The following PEX13 variants were observed in gnomAD, a reference collection of about 807,000 sequenced individuals.
PEX13 encodes peroxisomal biogenesis factor 13.
PEX13 carries 28 observed loss-of-function variants against 34.5 expected under a neutral mutation model. The ratio of observed to expected loss-of-function variants is 0.81; its 90% CI spans 0.60 to 1.11. The LOEUF (loss-of-function observed/expected upper bound fraction) is 1.11, where lower values mean the gene tolerates loss of function less well. PEX13 is among the 50% of genes most tolerant of loss of function. PEX13 has a pLI of 0.00. For synonymous variants in PEX13, 177 were observed against 175.1 expected, an observed-to-expected ratio of 1.01 and a Z score of -0.09; for missense variants, 550 against 491.0, an observed-to-expected ratio of 1.12 and a Z score of -1.13.
At chr2:61,045,596 T>C (rs1463000871) in intron 2 of PEX13, 130 bp from the exon 3 acceptor site, 4 of 704,162 alleles carry the variant, frequency 5.7e-6, no homozygotes, top group South Asian at 1.5e-5. Context: ...ATAGTATTCA[T>C]TATAGTTTTT....
intron 2 of PEX13, among the ~76,000 whole-genome samples, chr2:61,039,277 A>T (rs1455464670): frequency 6.6e-6 from 1 of 152,128 alleles, no homozygotes; most frequent in African/African-American, 2.4e-5. Context: ...AAAAGAGCCA[A>T]CATAACCAAG....
Position 61,048,793 on chromosome 2 carries a change from T to C in PEX13, c.*23T>C. The C allele has an allele frequency of 6.4e-7, 1 of 1,574,284 alleles. No homozygotes were observed. Among genetic ancestry groups the C allele is most frequent in the Non-Finnish European group, 8.7e-7 (1 of 1,143,608 alleles). ...TGATATCTTTCATGTTTGCCTGCAG[T>C]TGAACAATACTTTAGAGTACTTTTT... is the stretch of plus-strand genomic sequence containing the variant. On this transcript the variant is annotated 3_prime_UTR_variant, in exon 4 of 4. Transcript: ENST00000295030.
rs926756548 is a variant in PEX13, at chr2:61,018,401, A to G, written c.92+550A>G. ...GAGATTGGAGAAGCAACTTTAAAGC[A>G]GGAGTTCTAGATCTGAGGCCTATGG... On this transcript the variant is annotated intron_variant, in intron 1 of 3. Transcript: ENST00000295030. 4.4e-6 allele frequency: 6 copies of G among 1,350,106 alleles called. No homozygotes were observed. In the Admixed American group the frequency reaches 7.5e-5, roughly 17 times the overall value. 83.6% of individuals were successfully genotyped at this position (1,350,106 alleles called of 1,614,324 possible).
At chr2:61,041,894 G>T (rs754812842) in intron 2 of PEX13, among the ~76,000 whole-genome samples, 1 of 152,192 alleles carries the variant, frequency 6.6e-6, no homozygotes, top group Non-Finnish European at 1.5e-5. Context: ...AACCTGGCAG[G>T]TAAAAAGGAA....
chr2:61,018,161 G>T (rs1293352037), intron 1 of PEX13: 1 of 1,550,756 alleles, frequency 6.4e-7, no homozygotes. Flanking sequence ...CACTTTGACA[G>T]AATGGCTTCT....
At position 61,031,407 on chromosome 2, in the gene PEX13, T is replaced by C. The variant is rs760544518; in HGVS notation, c.93-12T>C. 4.4e-6 allele frequency: 7 copies of C among 1,603,036 alleles called. No homozygotes were observed. The highest frequency in any genetic ancestry group is 5.1e-6 in the Non-Finnish European group (6 of 1,170,302). On this transcript the variant is annotated splice_polypyrimidine_tract_variant and intron_variant, in intron 1 of 3. Coordinates refer to ENST00000295030, the MANE Select transcript of PEX13 (RefSeq NM_002618.4). The stretch of plus-strand genomic sequence containing the variant: ...TGCTTAAATAACTGTTTTGAATCTT[T>C]TTTGGTTTTAGATCTGCTGATTTGG...
chr2:61,025,885 A>G (rs1022352132), intron 1 of PEX13, among the ~76,000 whole-genome samples: 1 of 152,098 alleles, frequency 6.6e-6, no homozygotes, highest in Non-Finnish European at 1.5e-5. Context: ...CCTTTCTACT[A>G]GCATATTTCC....
intron 2 of PEX13, among the ~76,000 whole-genome samples, chr2:61,043,575 A>G (rs961758384): frequency 6.6e-6 from 1 of 152,220 alleles, no homozygotes; most frequent in Non-Finnish European, 1.5e-5. Context: ...GAAAAGGCCT[A>G]GTTGGACAAA....
At chr2:61,034,724 T>C (rs545052639) in intron 2 of PEX13, among the ~76,000 whole-genome samples, 2 of 152,300 alleles carry the variant, frequency 1.3e-5, no homozygotes, top group African/African-American at 4.8e-5. Context: ...CAGTCTGAGA[T>C]CAACCAGCAA....
chr2:61,026,763 A>G (rs1222246499), intron 1 of PEX13, among the ~76,000 whole-genome samples: 4 of 152,134 alleles, frequency 2.6e-5, no homozygotes, highest in Non-Finnish European at 2.9e-5. Flanking sequence ...AATTTTTAAC[A>G]TATCTAAAAT....
chr2:61,018,123 G>A (rs1680137501), intron 1 of PEX13: 17 of 1,547,750 alleles, frequency 1.1e-5, no homozygotes, highest in Non-Finnish European at 1.4e-5. Flanking sequence ...AGAAAGGGGG[G>A]CGGCTTCCTA....
intron 3 of PEX13, among the ~76,000 whole-genome samples, chr2:61,048,110 A>C (rs1680737621): frequency 6.6e-6 from 1 of 152,218 alleles, no homozygotes; most frequent in South Asian, 2.1e-4. Context: ...TAACTTACCC[A>C]GTTGAGAAGG....
Position 61,051,281 on chromosome 2 carries a change from C to T in PEX13, c.*2511C>T, listed in dbSNP as rs1680794741. 1 of 152,190 alleles carries T rather than the reference C, an allele frequency of 6.6e-6. No individual in the cohort carries two copies. The highest frequency in any genetic ancestry group is 1.5e-5 in the Non-Finnish European group (1 of 68,016). 9.4% of individuals were successfully genotyped at this position (152,190 alleles called of 1,614,324 possible). On this transcript the variant is annotated 3_prime_UTR_variant, in exon 4 of 4. Coordinates refer to ENST00000295030, the MANE Select transcript of PEX13 (RefSeq NM_002618.4). Reference sequence around the variant, plus strand: ...AGATAATTTATAGAAATTTTGTTCTCAAAACAAATGTTTGATAAAACAGAT... The same window carrying T: ...AGATAATTTATAGAAATTTTGTTCTTAAAACAAATGTTTGATAAAACAGAT...
intron 2 of PEX13, among the ~76,000 whole-genome samples, chr2:61,038,343 G>A (rs558479110): frequency 2.6e-5 from 4 of 152,290 alleles, no homozygotes; most frequent in African/African-American, 9.6e-5. Flanking sequence ...GAACATCAAT[G>A]TAAAAATCCT....
At chr2:61,033,540 G>A (rs548886537) in intron 2 of PEX13, among the ~76,000 whole-genome samples, 1 of 152,176 alleles carries the variant, frequency 6.6e-6, no homozygotes, top group African/African-American at 2.4e-5. Flanking sequence ...CTCTGCCTTT[G>A]TGGCAGTCTA....
In PEX13 at chr2:61,051,071, G is replaced by C. The variant is rs1019917235; in HGVS notation, c.*2301G>C. The C allele has an allele frequency of 6.6e-6, 1 of 152,278 alleles. No individual in the cohort carries two copies. The highest frequency in any genetic ancestry group is 1.5e-5 in the Non-Finnish European group (1 of 68,040). 9.4% of individuals were successfully genotyped at this position (152,278 alleles called of 1,614,324 possible). ...AGCCCTTTTTTGAAACGACAGTATCGTAAGTAACATATCATTTATAATAGA... is the reference window on the plus strand; with the variant it reads ...AGCCCTTTTTTGAAACGACAGTATCCTAAGTAACATATCATTTATAATAGA... On this transcript the variant is annotated 3_prime_UTR_variant, in exon 4 of 4. Transcript: ENST00000295030.
intron 1 of PEX13, chr2:61,018,459 T>C (rs925373093): frequency 2.5e-6 from 2 of 811,900 alleles, no homozygotes; most frequent in South Asian, 2.4e-5. Context: ...TGTATTTTTC[T>C]GAGGCCTGTA....
chr2:61,020,100 C>G (rs977299645), intron 1 of PEX13, among the ~76,000 whole-genome samples: 9 of 152,098 alleles, frequency 5.9e-5, no homozygotes, highest in Admixed American at 2.6e-4. Context: ...GTGGCGGGCA[C>G]CTGTAGTCCC....
At chr2:61,037,743 G>C (rs1271473705) in intron 2 of PEX13, among the ~76,000 whole-genome samples, 1 of 152,042 alleles carries the variant, frequency 6.6e-6, no homozygotes, top group East Asian at 1.9e-4. Flanking sequence ...CTAGCAGAAG[G>C]CAAGACATAA....
Sources: gnomAD v4.1 joint callset for allele counts (sites outside exome capture counted in the v4.1 genomes callset) on GRCh38, gnomAD v4.1.1 for gene constraint, MANE v1.5 for transcripts, NCBI Gene and HGNC (gene_info 2026-07-23, HGNC 2026-07-21) for gene names.